The following RBFOX1 variants were observed in gnomAD, a reference collection of about 807,000 sequenced individuals.
RBFOX1 encodes RNA binding protein fox-1 homolog 1.
A neutral mutation model predicts 57.7 loss-of-function variants in RBFOX1; 8 were observed. The observed-to-expected ratio is 0.14, with a 90% CI of 0.08 to 0.25. RBFOX1 has a LOEUF of 0.25. Ranked by LOEUF, RBFOX1 falls within the 10% of genes least tolerant of loss-of-function variation. The probability of loss-of-function intolerance (pLI) is 1.00; values close to 1 mark genes in which losing one functional copy is unlikely to be tolerated. For synonymous variants in RBFOX1, 326 were observed against 222.4 expected (o/e 1.47, Z -4.15); for missense variants, 611 against 548.5 (o/e 1.11, Z -1.14).
chr16:7,156,615 G>A (rs191695465), intron 4 of RBFOX1, among the ~76,000 whole-genome samples: 79 of 151,990 alleles, frequency 5.2e-4, no homozygotes, highest in African/African-American at 1.9e-3. Context: ...ACATATATAT[G>A]TATATACATA....
chr16:7,047,486 T>A (rs1280982790), intron 3 of RBFOX1, among the ~76,000 whole-genome samples: 3 of 152,162 alleles, frequency 2.0e-5, no homozygotes, highest in African/African-American at 7.2e-5. Flanking sequence ...TTTCAGTGTT[T>A]TAATTTTAGG....
chr16:7,238,290 A>C (rs1291364196), intron 4 of RBFOX1, among the ~76,000 whole-genome samples: 1 of 152,098 alleles, frequency 6.6e-6, no homozygotes, highest in Non-Finnish European at 1.5e-5. Context: ...AACACTGTGA[A>C]TGTACTTAAC....
intron 2 of RBFOX1, among the ~76,000 whole-genome samples, chr16:6,622,409 C>T (rs1027864466): frequency 3.3e-5 from 5 of 152,086 alleles, no homozygotes; most frequent in Admixed American, 2.6e-4. Context: ...CAGTTGCCTA[C>T]AGTATTCAGT....
At chr16:6,791,618 G>C (rs2082962549) in intron 3 of RBFOX1, among the ~76,000 whole-genome samples, 1 of 152,200 alleles carries the variant, frequency 6.6e-6, no homozygotes. Context: ...AATCAGCCAG[G>C]TGTAGTGGTG....
intron 3 of RBFOX1, among the ~76,000 whole-genome samples, chr16:5,772,571 A>C (rs1327203459): frequency 1.3e-5 from 2 of 152,220 alleles, no homozygotes; most frequent in Non-Finnish European, 2.9e-5. Flanking sequence ...TATAAATGTT[A>C]GCATATCTGC....
chr16:6,643,491 T>G (rs1012686101), intron 2 of RBFOX1, among the ~76,000 whole-genome samples: 1 of 152,184 alleles, frequency 6.6e-6, no homozygotes, highest in Non-Finnish European at 1.5e-5. Context: ...AGAATTCTGC[T>G]GAAAGGCAAG....
intron 4 of RBFOX1, among the ~76,000 whole-genome samples, chr16:5,999,145 C>T (rs995689519): frequency 2.6e-5 from 4 of 152,124 alleles, no homozygotes; most frequent in African/African-American, 9.7e-5. Flanking sequence ...CTGAACAGTC[C>T]TCTCTGTCTT....
chr16:6,435,360 G>C (rs1321929134), intron 2 of RBFOX1, among the ~76,000 whole-genome samples: 1 of 152,172 alleles, frequency 6.6e-6, no homozygotes, highest in South Asian at 2.1e-4. Context: ...GAGGGCAGTA[G>C]TGTGATCTCG....
At chr16:5,615,895 C>T (rs949320264) in intron 3 of RBFOX1, among the ~76,000 whole-genome samples, 1 of 152,156 alleles carries the variant, frequency 6.6e-6, no homozygotes, top group African/African-American at 2.4e-5. Context: ...CACCGCTGTT[C>T]AGTGCTTAAA....
intron 1 of RBFOX1, among the ~76,000 whole-genome samples, chr16:6,253,421 C>G (rs748268136): frequency 6.6e-6 from 1 of 152,140 alleles, no homozygotes; most frequent in African/African-American, 2.4e-5. Flanking sequence ...TAGGTAGGCA[C>G]CATTATCCTG....
intron 4 of RBFOX1, among the ~76,000 whole-genome samples, chr16:7,367,904 A>G (rs13338471): frequency 3.2e-4 from 48 of 152,012 alleles, no homozygotes; most frequent in African/African-American, 1.2e-3. Flanking sequence ...ACACACACAC[A>G]CACACACACA....
intron 4 of RBFOX1, among the ~76,000 whole-genome samples, chr16:7,418,772 G>GTGTCTCTATCCC (rs1555883814): frequency 4.6e-5 from 3 of 65,414 alleles, no homozygotes; most frequent in Non-Finnish European, 6.6e-5. Flanking sequence ...CACTGTGTCT[G>GTGTCTCTATCCC]TGTCTCTATC....
At chr16:7,465,128 G>A (rs1451556765) in intron 4 of RBFOX1, among the ~76,000 whole-genome samples, 3 of 152,154 alleles carry the variant, frequency 2.0e-5, no homozygotes, top group African/African-American at 4.8e-5. Context: ...TATTTTCTAC[G>A]TCAGGGGCTT....
chr16:5,361,724 G>A (rs924508993), intron 1 of RBFOX1, among the ~76,000 whole-genome samples: 15 of 152,174 alleles, frequency 9.9e-5, no homozygotes, highest in African/African-American at 3.4e-4. Context: ...TACCTGCAAG[G>A]CTCCTCCACT....
chr16:5,711,883 G>C (rs2051500334), intron 3 of RBFOX1, among the ~76,000 whole-genome samples: 1 of 152,188 alleles, frequency 6.6e-6, no homozygotes, highest in Non-Finnish European at 1.5e-5. Context: ...TTTATTGAGT[G>C]CTTATTTAGG....
chr16:7,216,548 G>A lies in RBFOX1; in HGVS notation c.27+164450G>A, dbSNP rs571481569. On this transcript the variant is annotated intron_variant, in intron 4 of 15. Coordinates refer to ENST00000550418, the MANE Select transcript of RBFOX1 (RefSeq NM_018723.4). ...ATTGTAAAACTTAAATATAATGATA[G>A]GAGTAAAGGGTGTAGCACAGAATTG... 2.0e-5 allele frequency among the ~76,000 whole-genome samples: 3 copies of A among 152,178 alleles called. No homozygotes were observed. In the South Asian group the frequency reaches 6.2e-4, roughly 32 times the overall value.
At chr16:7,691,118 AAAAAT>A (rs1204522634) in intron 14 of RBFOX1, among the ~76,000 whole-genome samples, 7 of 152,120 alleles carry the variant, frequency 4.6e-5, no homozygotes, top group East Asian at 3.9e-4. Flanking sequence ...ATGTGGATTA[AAAAAT>A]AAAATAGTAC....
chr16:5,703,977 C>T (rs1430192791), intron 3 of RBFOX1, among the ~76,000 whole-genome samples: 1 of 152,154 alleles, frequency 6.6e-6, no homozygotes, highest in Admixed American at 6.5e-5. Context: ...TAAGCCCCCT[C>T]AAATCGTTAC....
At chr16:6,035,752 G>A (rs2095357560) in intron 1 of RBFOX1, among the ~76,000 whole-genome samples, 2 of 152,104 alleles carry the variant, frequency 1.3e-5, no homozygotes, top group African/African-American at 4.8e-5. Flanking sequence ...TCAACCAATT[G>A]GAATTACTAT....
Sources: gnomAD v4.1 joint callset for allele counts (sites outside exome capture counted in the v4.1 genomes callset) on GRCh38, gnomAD v4.1.1 for gene constraint, MANE v1.5 for transcripts, NCBI Gene and HGNC (gene_info 2026-07-23, HGNC 2026-07-21) for gene names.